TEX11: variants seen among roughly 807,000 people sequenced by gnomAD.
The protein encoded by TEX11 is testis-expressed protein 11.
TEX11 carries 7 observed loss-of-function variants against 84.4 expected under a neutral mutation model. The observed-to-expected ratio is 0.08, with a 90% CI of 0.05 to 0.16. TEX11 has a LOEUF of 0.16. TEX11 is among the 10% of genes least tolerant of loss of function. The probability of loss-of-function intolerance (pLI) is 1.00; values close to 1 mark genes in which losing one functional copy is unlikely to be tolerated. For synonymous variants in TEX11, 264 were observed against 222.8 expected, an observed-to-expected ratio of 1.18 and a Z score of -1.64; for missense variants, 551 against 660.5, an observed-to-expected ratio of 0.83 and a Z score of 1.82.
At chrX:70,834,718 C>G (rs1210446797) in intron 7 of TEX11, among the ~76,000 whole-genome samples, 4 of 105,981 alleles carry the variant, frequency 3.8e-5, no homozygotes, top group African/African-American at 1.0e-4. Context: ...GAGCTGAGAT[C>G]GAGCCATTGC....
intron 24 of TEX11, among the ~76,000 whole-genome samples, chrX:70,599,193 T>G (rs1478626009): frequency 1.8e-5 from 2 of 111,464 alleles, no homozygotes; most frequent in South Asian, 3.7e-4. Context: ...AATAAAGAAA[T>G]AAATAAATAA....
intron 9 of TEX11, among the ~76,000 whole-genome samples, chrX:70,749,586 A>G (rs368818407): frequency 2.0e-5 from 2 of 101,013 alleles, no homozygotes; most frequent in Admixed American, 2.2e-4. Flanking sequence ...ATTATTTTGA[A>G]ATACGTCCCA....
intron 20 of TEX11, among the ~76,000 whole-genome samples, chrX:70,618,318 C>T (rs1425706877): frequency 9.0e-6 from 1 of 111,543 alleles, no homozygotes; most frequent in Non-Finnish European, 1.9e-5. Context: ...GAAGAATCCC[C>T]TTCCAGGTTT....
rs767974024 is a variant in TEX11 at position 70,612,643 on chromosome X, A to C, written c.1752-2100T>G. On this transcript the variant is annotated intron_variant, in intron 20 of 29. Coordinates refer to ENST00000374333, the MANE Select transcript of TEX11 (RefSeq NM_031276.3). ...TCCCAAACTGAAAAGCAAAGAGAAC[A>C]AAGACTGAAAAAAATAGAACAGAAT... Among the ~76,000 whole-genome samples, 142 of 111,823 alleles carry C rather than the reference A, an allele frequency of 1.3e-3. 2 individuals are homozygous for C. The highest frequency in any genetic ancestry group is 4.5e-3 in the African/African-American group (137 of 30,781).
At chrX:70,813,136 C>T (rs1269998283) in intron 8 of TEX11, among the ~76,000 whole-genome samples, 1 of 107,972 alleles carries the variant, frequency 9.3e-6, no homozygotes, top group Non-Finnish European at 1.9e-5. Flanking sequence ...CTGGCAGAGA[C>T]ACAACAAAAA....
chrX:70,580,082 G>C (rs758070751), intron 25 of TEX11, among the ~76,000 whole-genome samples: 1 of 112,464 alleles, frequency 8.9e-6, no homozygotes, highest in East Asian at 2.8e-4. Flanking sequence ...AATGGATAGA[G>C]AAAATGTGGT....
At chrX:70,569,279 G>A (rs2088548470) in intron 25 of TEX11, among the ~76,000 whole-genome samples, 1 of 111,524 alleles carries the variant, frequency 9.0e-6, no homozygotes, top group Admixed American at 9.5e-5. Flanking sequence ...GCACTTCTCT[G>A]TATTGGTTAT....
chrX:70,647,977 A>AG (rs1276368242), intron 17 of TEX11, among the ~76,000 whole-genome samples: 1 of 112,055 alleles, frequency 8.9e-6, no homozygotes, highest in East Asian at 2.8e-4. Flanking sequence ...TGTTTATTGC[A>AG]GCACTATTCA....
At chrX:70,887,529 G>A (rs1018769730) in intron 2 of TEX11, among the ~76,000 whole-genome samples, 9 of 112,071 alleles carry the variant, frequency 8.0e-5, no homozygotes, top group African/African-American at 9.7e-5. Context: ...TTGTCTGGGG[G>A]TTTCAACACC....
intron 2 of TEX11, among the ~76,000 whole-genome samples, chrX:70,881,688 T>C (rs983303896): frequency 9.0e-6 from 1 of 111,153 alleles, no homozygotes; most frequent in Non-Finnish European, 1.9e-5. Flanking sequence ...TATCAAAATA[T>C]CTCATGTATC....
At chrX:70,643,828 T>A (rs1237726748) in intron 17 of TEX11, among the ~76,000 whole-genome samples, 1 of 109,913 alleles carries the variant, frequency 9.1e-6, no homozygotes, top group African/African-American at 3.3e-5. Context: ...CTAGAAGAAA[T>A]CCTAGGCATT....
intron 4 of TEX11, among the ~76,000 whole-genome samples, chrX:70,871,177 T>C (rs768493029): frequency 8.9e-6 from 1 of 112,895 alleles, no homozygotes; most frequent in South Asian, 3.6e-4. Flanking sequence ...CCTCCCAAAG[T>C]GCTGGGATTA....
chrX:70,772,565 C>T (rs928627115), intron 9 of TEX11, among the ~76,000 whole-genome samples: 1 of 110,619 alleles, frequency 9.0e-6, no homozygotes, highest in Non-Finnish European at 1.9e-5. Flanking sequence ...CAGAGTGAGA[C>T]CTTGTTTAAA....
intron 4 of TEX11, among the ~76,000 whole-genome samples, chrX:70,872,194 A>C (rs2091633211): frequency 9.0e-6 from 1 of 111,640 alleles, no homozygotes; most frequent in Non-Finnish European, 1.9e-5. Flanking sequence ...CCACTGATAA[A>C]TTCCTAGCTC....
At chrX:70,730,890 C>G (rs1350429910) in intron 11 of TEX11, among the ~76,000 whole-genome samples, 2 of 111,560 alleles carry the variant, frequency 1.8e-5, no homozygotes, top group Non-Finnish European at 3.8e-5. Flanking sequence ...CAAAATTGAC[C>G]ACATACTTGG....
chrX:70,743,901 C>CACAG (rs1399652600), intron 10 of TEX11, among the ~76,000 whole-genome samples: 1 of 108,742 alleles, frequency 9.2e-6, no homozygotes, highest in Non-Finnish European at 1.9e-5. Flanking sequence ...CACACACACA[C>CACAG]ACACACACAC....
intron 4 of TEX11, among the ~76,000 whole-genome samples, chrX:70,868,401 A>T (rs1429106353): frequency 2.7e-5 from 3 of 111,833 alleles, no homozygotes; most frequent in Non-Finnish European, 3.8e-5. Context: ...GATGCGGAGA[A>T]ATAGGAACGC....
At chrX:70,677,810 C>CTTTTTTT (rs35653618) in intron 15 of TEX11, among the ~76,000 whole-genome samples, 8 of 63,584 alleles carry the variant, frequency 1.3e-4, no homozygotes, top group Non-Finnish European at 1.9e-4. Context: ...CTTTTCTTTC[C>CTTTTTTT]TTTTTTTTTT....
At chrX:70,781,219 G>A (rs1268406316) in intron 9 of TEX11, among the ~76,000 whole-genome samples, 2 of 111,746 alleles carry the variant, frequency 1.8e-5, no homozygotes, top group Non-Finnish European at 3.8e-5. Flanking sequence ...TGCAGCTGAG[G>A]GACCTCACTG....
Sources: gnomAD v4.1 joint callset for allele counts (sites outside exome capture counted in the v4.1 genomes callset) on GRCh38, gnomAD v4.1.1 for gene constraint, MANE v1.5 for transcripts, NCBI Gene and HGNC (gene_info 2026-07-23, HGNC 2026-07-21) for gene names.